PDE6A: variants seen among roughly 807,000 people sequenced by gnomAD.
PDE6A encodes the protein phosphodiesterase 6A.
In PDE6A, 84 loss-of-function variants were observed where a neutral mutation model predicts 106.3. The ratio of observed to expected loss-of-function variants is 0.79; its 90% CI spans 0.66 to 0.95. The LOEUF (loss-of-function observed/expected upper bound fraction) is 0.95, where lower values mean the gene tolerates loss of function less well. PDE6A is among the 40% of genes least tolerant of loss of function. The probability of loss-of-function intolerance (pLI) is 0.00; values close to 1 mark genes in which losing one functional copy is unlikely to be tolerated. For synonymous variants in PDE6A, 394 were observed against 386.6 expected, an observed-to-expected ratio of 1.02 and a Z score of -0.23; for missense variants, 1,052 against 1,084.9, an observed-to-expected ratio of 0.97 and a Z score of 0.43.
At chr5:149,887,120 C>T (rs550503094) in intron 13 of PDE6A, among the ~76,000 whole-genome samples, 1 of 152,312 alleles carries the variant, frequency 6.6e-6, no homozygotes, top group South Asian at 2.1e-4. Flanking sequence ...TCCGAACCCT[C>T]TCAGTGAAAA....
rs372060530 is a variant in PDE6A, at chr5:149,896,655, A to G, written c.1473+56T>C. ...TGCAAGGAGAAACCCCTGCATGCTC[A>G]GGAGCACTTTGCACTTGTTATACAT... On this transcript the variant is annotated intron_variant, in intron 11 of 21. Transcript: ENST00000255266. 3.6e-4 allele frequency: 589 copies of G among 1,613,984 alleles called. 4 individuals are homozygous for G. Among genetic ancestry groups the G allele is most frequent in the Non-Finnish European group, 4.0e-4 (469 of 1,180,038 alleles).
At chr5:149,883,013 G>A (rs1455011479) in intron 17 of PDE6A, among the ~76,000 whole-genome samples, 1 of 152,088 alleles carries the variant, frequency 6.6e-6, no homozygotes. Flanking sequence ...AGCCGAGATC[G>A]CACCACTACA....
chr5:149,888,195 C>A (rs1311335572), intron 13 of PDE6A, among the ~76,000 whole-genome samples: 1 of 152,092 alleles, frequency 6.6e-6, no homozygotes, highest in Non-Finnish European at 1.5e-5. Flanking sequence ...TCTACAATTT[C>A]TTATTACCAA....
intron 8 of PDE6A, among the ~76,000 whole-genome samples, chr5:149,900,950 C>T (rs1201463373): frequency 6.6e-6 from 1 of 152,146 alleles, no homozygotes; most frequent in Non-Finnish European, 1.5e-5. Flanking sequence ...GAGTTTTGCT[C>T]TGTCACCCAG....
intron 13 of PDE6A, among the ~76,000 whole-genome samples, chr5:149,887,255 A>T (rs930490056): frequency 3.3e-5 from 5 of 152,256 alleles, no homozygotes; most frequent in Non-Finnish European, 7.3e-5. Flanking sequence ...AAATTGTATC[A>T]TGGATAAGCC....
chr5:149,914,811 A>G, intron 6 of PDE6A, 132 bp downstream of exon 6: 1 of 738,058 alleles, frequency 1.4e-6, no homozygotes, highest in East Asian at 2.5e-5. Flanking sequence ...TCTGTCTATA[A>G]AGTCAACCTT....
At chr5:149,915,716 A>G (rs1204506478) in intron 5 of PDE6A, among the ~76,000 whole-genome samples, 1 of 152,202 alleles carries the variant, frequency 6.6e-6, no homozygotes, top group African/African-American at 2.4e-5. Flanking sequence ...ATACCCAAAT[A>G]AAAGAGAGTT....
chr5:149,924,608 G>A (rs532243165), intron 4 of PDE6A, among the ~76,000 whole-genome samples: 4 of 152,124 alleles, frequency 2.6e-5, no homozygotes, highest in Non-Finnish European at 5.9e-5. Context: ...TCCTACTTCT[G>A]TTCATGATGA....
intron 4 of PDE6A, among the ~76,000 whole-genome samples, chr5:149,923,513 CATAACATAACATAACAT>C (rs1753783900): frequency 1.6e-3 from 1 of 614 alleles, no homozygotes; most frequent in Non-Finnish European, 5.8e-3. Context: ...AATAACATAA[CATAACATAACATAACAT>C]AACATAACAT....
At chr5:149,890,732 A>G (rs1039854878) in intron 13 of PDE6A, among the ~76,000 whole-genome samples, 2 of 152,204 alleles carry the variant, frequency 1.3e-5, no homozygotes, top group African/African-American at 2.4e-5. Context: ...TCTTCATAAG[A>G]TCATACCATT....
chr5:149,878,614 A>C (rs374512819), intron 17 of PDE6A, among the ~76,000 whole-genome samples: 1 of 152,194 alleles, frequency 6.6e-6, no homozygotes, highest in Non-Finnish European at 1.5e-5. Flanking sequence ...GCAAAGACTG[A>C]GCCTGTTTAC....
intron 4 of PDE6A, among the ~76,000 whole-genome samples, chr5:149,928,229 A>ATTT (rs1450276110): frequency 3.9e-5 from 1 of 25,474 alleles, no homozygotes; most frequent in East Asian, 4.8e-4. Context: ...ATATATATAT[A>ATTT]TATTTTTTTT....
At chr5:149,922,830 A>G (rs1387331150) in intron 4 of PDE6A, among the ~76,000 whole-genome samples, 1 of 152,254 alleles carries the variant, frequency 6.6e-6, no homozygotes, top group Non-Finnish European at 1.5e-5. Context: ...CTGCTAAAGC[A>G]AAATACACAG....
chr5:149,884,430 A>G, intron 16 of PDE6A, 49 bp downstream of exon 16: 1 of 1,099,504 alleles, frequency 9.1e-7, no homozygotes, highest in Non-Finnish European at 1.4e-6. Context: ...ATATATGCAT[A>G]CATATAATCA....
chr5:149,874,065 A>G (rs1242296107), intron 17 of PDE6A, among the ~76,000 whole-genome samples: 1 of 152,034 alleles, frequency 6.6e-6, no homozygotes, highest in African/African-American at 2.4e-5. Flanking sequence ...ACCTCCCACC[A>G]CAGGAAGCCC....
intron 1 of PDE6A, among the ~76,000 whole-genome samples, chr5:149,940,696 C>T (rs765075774): frequency 1.1e-4 from 17 of 152,026 alleles, no homozygotes; most frequent in Non-Finnish European, 2.1e-4. Context: ...TGGGGTTTCA[C>T]CATGTTGGCC....
intron 17 of PDE6A, among the ~76,000 whole-genome samples, chr5:149,876,704 C>T (rs1329315761): frequency 1.3e-5 from 2 of 152,134 alleles, no homozygotes; most frequent in Non-Finnish European, 2.9e-5. Flanking sequence ...TGGGGTTTCA[C>T]CATGTTCCCC....
chr5:149,942,145 A>T (rs1381801504), intron 1 of PDE6A, among the ~76,000 whole-genome samples: 1 of 151,604 alleles, frequency 6.6e-6, no homozygotes, highest in Admixed American at 6.6e-5. Context: ...TATTTTTTGT[A>T]AAGACAGGGA....
intron 13 of PDE6A, among the ~76,000 whole-genome samples, chr5:149,889,165 T>C (rs1752446487): frequency 6.6e-6 from 1 of 151,598 alleles, no homozygotes; most frequent in South Asian, 2.1e-4. Context: ...AACATTGATG[T>C]CAAAAGTACA....
Sources: allele counts gnomAD v4.1 joint callset (sites outside exome capture counted in the v4.1 genomes callset), GRCh38; gene constraint gnomAD v4.1.1; transcripts MANE v1.5; gene names NCBI Gene and HGNC (gene_info 2026-07-23, HGNC 2026-07-21).